Variants in C9orf43 observed in about 807,000 individuals in gnomAD.
C9orf43 encodes chromosome 9 open reading frame 43.
A neutral mutation model predicts 59.1 loss-of-function variants in C9orf43; 45 were observed. The observed-to-expected ratio is 0.76, with a 90% CI of 0.60 to 0.98. The LOEUF is 0.98. Ranked by LOEUF, C9orf43 falls within the 50% of genes least tolerant of loss-of-function variation. C9orf43 has a pLI of 0.00. For missense variants in C9orf43, 533 were observed against 554.9 expected (o/e 0.96, Z 0.40); for synonymous variants, 203 against 196.8 (o/e 1.03, Z -0.26).
chr9:113,424,657 G>C (rs1227421592), intron 8 of C9orf43, among the ~76,000 whole-genome samples: 1 of 151,876 alleles, frequency 6.6e-6, no homozygotes, highest in Non-Finnish European at 1.5e-5. Context: ...CTCCAGAGTA[G>C]CTGGGACTAC....
chr9:113,426,727 C>A (rs989852690), intron 11 of C9orf43, among the ~76,000 whole-genome samples: 1 of 152,092 alleles, frequency 6.6e-6, no homozygotes, highest in African/African-American at 2.4e-5. Flanking sequence ...CTAGGGTGAC[C>A]ACTACCACTC....
chr9:113,422,011 AACTTCTAAGG>A (rs1828592302), intron 5 of C9orf43, among the ~76,000 whole-genome samples: 1 of 152,154 alleles, frequency 6.6e-6, no homozygotes, highest in Non-Finnish European at 1.5e-5. Context: ...CATGGATTCC[AACTTCTAAGG>A]AGTTTCATGG....
At chr9:113,425,300 AG>A (rs1358936704) in intron 9 of C9orf43, 43 bp from the exon 10 acceptor site, 5 of 1,610,864 alleles carry the variant, frequency 3.1e-6, no homozygotes, top group Admixed American at 1.7e-5. Flanking sequence ...AGTGGGAGAG[AG>A]GGGGCTGTTA....
intron 1 of C9orf43, among the ~76,000 whole-genome samples, chr9:113,411,926 C>G (rs1485930983): frequency 3.3e-5 from 5 of 152,168 alleles, no homozygotes; most frequent in Non-Finnish European, 7.4e-5. Flanking sequence ...GATTCTCCCT[C>G]GGCCTTGCAA....
At chr9:113,428,787 G>A (rs1828882385) in intron 12 of C9orf43, 113 bp from the exon 13 acceptor site, 3 of 882,522 alleles carry the variant, frequency 3.4e-6, no homozygotes, top group East Asian at 5.1e-5. Flanking sequence ...CCAAGAGGTG[G>A]GTCTCTGGCT....
At position 113,423,157 on chromosome 9, in the gene C9orf43, A is replaced by G. The variant is rs570396318; in HGVS notation, c.484-169A>G. 2.0e-5 allele frequency among the ~76,000 whole-genome samples: 3 copies of G among 152,340 alleles called. No individual in the cohort carries two copies. The South Asian group carries it at 6.2e-4, about 32-fold the overall frequency. On this transcript the variant is annotated intron_variant, in intron 6 of 13. Coordinates refer to ENST00000374165, the MANE Select transcript of C9orf43 (RefSeq NM_001278629.2). ...AATCCCTGTATGATCTGAATACAACAACAGAGTTGGGAGCTTGAGAGGGAA... is the reference window on the plus strand; with the variant it reads ...AATCCCTGTATGATCTGAATACAACGACAGAGTTGGGAGCTTGAGAGGGAA...
intron 11 of C9orf43, 76 bp downstream of exon 11, chr9:113,425,806 C>A: frequency 8.6e-7 from 1 of 1,166,522 alleles, no homozygotes; most frequent in Non-Finnish European, 1.3e-6. Flanking sequence ...AAAAGCTAAA[C>A]ATGCTCTTGT....
rs767080167 is a variant in C9orf43 at position 113,425,711 on chromosome 9, C to G, written c.1011C>G (p.Thr337=). 1.2e-6 allele frequency: 2 copies of G among 1,613,456 alleles called. No homozygotes were observed. The highest frequency in any genetic ancestry group is 1.7e-5 in the Admixed American group (1 of 60,016). The change falls in exon 11 of 14, where the codon ACC becomes ACG. Residue 337 remains threonine (T), a synonymous_variant. Coordinates refer to ENST00000374165, the MANE Select transcript of C9orf43 (RefSeq NM_001278629.2). ...QSTSHKHPVT[T]VHDRLYGYRT... Reference sequence around the variant, plus strand: ...CTTCACATAAACATCCAGTTACCACCGTTCATGACCGTCTCTATGGTAAGG... The same window carrying G: ...CTTCACATAAACATCCAGTTACCACGGTTCATGACCGTCTCTATGGTAAGG...
chr9:113,422,666 C>T, intron 6 of C9orf43, 81 bp downstream of exon 6: 2 of 1,507,380 alleles, frequency 1.3e-6, no homozygotes, highest in Non-Finnish European at 1.8e-6. Flanking sequence ...TCTCCTCCAC[C>T]TTACCCCCGT....
intron 1 of C9orf43, 168 bp downstream of exon 1, chr9:113,411,169 C>A: frequency 1.1e-6 from 1 of 928,810 alleles, no homozygotes; most frequent in Non-Finnish European, 1.3e-6. Flanking sequence ...AGCCTTTTCA[C>A]TGTATGAAGA....
chr9:113,423,278 G>A (rs368494294), intron 6 of C9orf43, 48 bp from the exon 7 acceptor site: 8 of 1,584,184 alleles, frequency 5.0e-6, no homozygotes, highest in African/African-American at 4.0e-5. Flanking sequence ...GAAAGGACTA[G>A]GCTAAAAAGA....
At chr9:113,411,506 A>T (rs1308934381) in intron 1 of C9orf43, among the ~76,000 whole-genome samples, 1 of 151,722 alleles carries the variant, frequency 6.6e-6, no homozygotes, top group Non-Finnish European at 1.5e-5. Context: ...TCACCGTGTT[A>T]GCCAAGATGG....
chr9:113,428,150 A>G lies in C9orf43; in HGVS notation c.1034A>G (p.Tyr345Cys). The G allele has an allele frequency of 6.2e-7, 1 of 1,614,200 alleles. No homozygotes were observed. The highest frequency in any genetic ancestry group is 8.5e-7 in the Non-Finnish European group (1 of 1,180,012). Residue 345 changes from tyrosine (Y) to cysteine (C), a missense_variant, in exon 12 of 14, where the codon TAC (tyrosine) becomes TGC (cysteine). Coordinates refer to ENST00000374165, the MANE Select transcript of C9orf43 (RefSeq NM_001278629.2). Reference protein sequence around the residue: ...VTTVHDRLYGYRTLPGQNSDM... With the variant: ...VTTVHDRLYGCRTLPGQNSDM... The stretch of plus-strand genomic sequence containing the variant: ...GAATGGACTCTTTGGTTACTAGGTT[A>G]CAGAACTCTGCCAGGTCAGAACAGT...
chr9:113,419,172 CAT>C lies in C9orf43; in HGVS notation c.345+9_345+10del. The stretch of plus-strand genomic sequence containing the variant: ...TACTAACAGACTTCCCAAAGTAAGT[CAT>C]AGATTTTAAAAGTACTTCTTCAACA... On this transcript the variant is annotated splice_region_variant and intron_variant, in intron 4 of 13. Transcript: ENST00000374165. The C allele has an allele frequency of 6.2e-7, 1 of 1,600,806 alleles. No individual in the cohort carries two copies. The highest frequency in any genetic ancestry group is 8.5e-7 in the Non-Finnish European group (1 of 1,172,544).
Position 113,413,531 on chromosome 9 carries a change from C to T in C9orf43, c.38C>T (p.Thr13Ile). Reference sequence around the variant, plus strand: ...GATGAGAGCCAGTGGGACGAAACCACCTGTGGCTTGGCTGTTTGTCAGCAC... The same window carrying T: ...GATGAGAGCCAGTGGGACGAAACCATCTGTGGCTTGGCTGTTTGTCAGCAC... ...LPDESQWDET[T>I]CGLAVCQHPQ... is the part of the protein sequence containing the mutation. The change falls in exon 2 of 14, where the codon ACC (threonine) becomes ATC (isoleucine). Residue 13 changes from threonine to isoleucine, a missense_variant. Thr to Ile is a moderately conservative substitution (Grantham distance 89, BLOSUM62 -1). Coordinates refer to ENST00000374165, the MANE Select transcript of C9orf43 (RefSeq NM_001278629.2). 1 of 1,614,120 alleles carries T rather than the reference C, an allele frequency of 6.2e-7. No homozygotes were observed. Among genetic ancestry groups the T allele is most frequent in the Non-Finnish European group, 8.5e-7 (1 of 1,179,948 alleles).
chr9:113,424,945 G>A lies in C9orf43; in HGVS notation c.808-74G>A, dbSNP rs922620953. On this transcript the variant is annotated intron_variant, in intron 8 of 13. Coordinates refer to ENST00000374165, the MANE Select transcript of C9orf43 (RefSeq NM_001278629.2). The stretch of plus-strand genomic sequence containing the variant: ...GTGCTTGTTGACTGGATGAATAAAC[G>A]CATTTGGGGGATACATTTGGAGAAA... 1.5e-5 allele frequency: 19 copies of A among 1,293,458 alleles called. No individual in the cohort carries two copies. In the South Asian group the frequency reaches 1.8e-4, roughly 12 times the overall value. 80.1% of individuals were successfully genotyped at this position (1,293,458 alleles called of 1,614,324 possible). A position where few individuals can be genotyped will look rare whatever the true frequency, so the allele number is the denominator to read the frequency against.
chr9:113,425,305 G>C, intron 9 of C9orf43, 39 bp from the exon 10 acceptor site: 1 of 1,611,858 alleles, frequency 6.2e-7, no homozygotes, highest in South Asian at 1.1e-5. Flanking sequence ...GAGAGAGGGG[G>C]CTGTTAGAAG....
chr9:113,415,183 G>A (rs147766873), intron 3 of C9orf43, among the ~76,000 whole-genome samples: 2 of 151,572 alleles, frequency 1.3e-5, no homozygotes, highest in African/African-American at 4.8e-5. Flanking sequence ...TTACTTTGTT[G>A]CCTAGCCTGG....
At chr9:113,415,420 T>C (rs1828321886) in intron 3 of C9orf43, among the ~76,000 whole-genome samples, 1 of 152,232 alleles carries the variant, frequency 6.6e-6, no homozygotes, top group Non-Finnish European at 1.5e-5. Context: ...TGGTCAATTT[T>C]TGTTATGTAT....
Sources: gnomAD v4.1 joint callset for allele counts (sites outside exome capture counted in the v4.1 genomes callset) on GRCh38, gnomAD v4.1.1 for gene constraint, MANE v1.5 for transcripts, NCBI Gene and HGNC (gene_info 2026-07-23, HGNC 2026-07-21) for gene names.